CWH43: variants seen among roughly 807,000 people sequenced by gnomAD.
The protein encoded by CWH43 is PGAP2-interacting protein.
A neutral mutation model predicts 85.7 loss-of-function variants in CWH43; 91 were observed. That is an observed-to-expected ratio of 1.06 (90% CI 0.90 to 1.26). The LOEUF (loss-of-function observed/expected upper bound fraction) is 1.26. CWH43 is among the 50% of genes most tolerant of loss of function. The pLI, the probability that CWH43 is intolerant of heterozygous loss-of-function variation, is 0.00. For missense variants in CWH43, 869 were observed against 839.2 expected (o/e 1.04, Z -0.44); for synonymous variants, 323 against 293.6 (o/e 1.10, Z -1.02).
rs1783784536 is a variant in CWH43, at chr4:49,022,554, T to A, written c.1266+5226T>A. Among the ~76,000 whole-genome samples the A allele has an allele frequency of 4.6e-5, 7 of 152,230 alleles. No individual in the cohort carries two copies. In the South Asian group the frequency reaches 1.4e-3, roughly 32 times the overall value. Reference sequence around the variant, plus strand: ...GCTAGTTTTGGTATTAGGGTGATACTGGCTTCATAGAATGATTTAGAAAGG... The same window carrying A: ...GCTAGTTTTGGTATTAGGGTGATACAGGCTTCATAGAATGATTTAGAAAGG... On this transcript the variant is annotated intron_variant, in intron 9 of 15. Coordinates refer to ENST00000226432, the MANE Select transcript of CWH43 (RefSeq NM_025087.3).
Position 49,007,326 on chromosome 4 carries a change from T to A in CWH43, c.1186T>A (p.Phe396Ile), listed in dbSNP as rs1783192447. ...FRKSEKYMKL[F>I]LWLLVGVGLL... ...AAAGAGTGAAAAATACATGAAACTT[T>A]GTAAGTATAGTTTTACATTCTTAAA... is the stretch of plus-strand genomic sequence containing the variant. Residue 396 changes from phenylalanine (F) to isoleucine (I), a missense_variant and splice_region_variant, in exon 8 of 16, where the codon TTT becomes ATT. Transcript: ENST00000226432. The A allele has an allele frequency of 5.7e-6, 9 of 1,588,732 alleles. No individual in the cohort carries two copies. The highest frequency in any genetic ancestry group is 7.7e-6 in the Non-Finnish European group (9 of 1,170,858).
At position 49,002,892 on chromosome 4, in the gene CWH43, C is replaced by T. The variant is rs77664190; in HGVS notation, c.803-843C>T. Among the ~76,000 whole-genome samples the T allele has an allele frequency of 2.6e-3, 393 of 152,122 alleles. 2 individuals are homozygous for T. Among genetic ancestry groups the T allele is most frequent in the African/African-American group, 8.7e-3 (363 of 41,490 alleles). ...CCCACTCCTTTCTGGAGTTCTTGGC[C>T]GAAGTAGTGAAGAGCCTGCTCTAGC... On this transcript the variant is annotated intron_variant, in intron 6 of 15. Coordinates refer to ENST00000226432, the MANE Select transcript of CWH43 (RefSeq NM_025087.3).
At chr4:49,059,105 A>G (rs983186958) in intron 15 of CWH43, among the ~76,000 whole-genome samples, 3 of 152,142 alleles carry the variant, frequency 2.0e-5, no homozygotes, top group Non-Finnish European at 4.4e-5. Flanking sequence ...AATAAGGTTT[A>G]CTTAATGATG....
rs147544718 is a variant in CWH43 at position 49,006,013 on chromosome 4, C to G, written c.1061-1188C>G. Among the ~76,000 whole-genome samples, 545 of 152,254 alleles carry G rather than the reference C, an allele frequency of 3.6e-3. 6 individuals are homozygous for G. Among genetic ancestry groups the G allele is most frequent in the African/African-American group, 0.013 (531 of 41,568 alleles). ...TTGGTATTTCTGGTAAATACTCAAG[C>G]TTTCATCTAATGAGAGAAACACATT... On this transcript the variant is annotated intron_variant, in intron 7 of 15. Transcript: ENST00000226432.
intron 8 of CWH43, among the ~76,000 whole-genome samples, chr4:49,012,349 G>T (rs535027171): frequency 6.6e-6 from 1 of 152,128 alleles, no homozygotes; most frequent in Non-Finnish European, 1.5e-5. Context: ...TTCTCTACAC[G>T]TTTATTCTAG....
At chr4:49,027,213 A>G (rs1365886556) in intron 9 of CWH43, among the ~76,000 whole-genome samples, 5 of 152,188 alleles carry the variant, frequency 3.3e-5, no homozygotes, top group Admixed American at 6.5e-5. Context: ...AGAGTTGGAG[A>G]TAAATGGATA....
chr4:49,062,026 G>T lies in CWH43; in HGVS notation c.*136G>T, dbSNP rs1376343043. 9.3e-6 allele frequency: 5 copies of T among 539,242 alleles called. No homozygotes were observed. Among genetic ancestry groups the T allele is most frequent in the Non-Finnish European group, 1.4e-5 (5 of 369,576 alleles). The allele number at this position is 539,242 out of a possible 1,614,324, so 33.4% of individuals were successfully genotyped here. On this transcript the variant is annotated 3_prime_UTR_variant, in exon 16 of 16. Coordinates refer to ENST00000226432, the MANE Select transcript of CWH43 (RefSeq NM_025087.3). ...AAAAAACACATGGTATCTATGCAGT[G>T]GGAAATTACCTCCATTTGTAAACTA...
intron 9 of CWH43, among the ~76,000 whole-genome samples, chr4:49,022,093 T>C (rs1783766727): frequency 6.6e-6 from 1 of 152,176 alleles, no homozygotes; most frequent in Non-Finnish European, 1.5e-5. Context: ...CTATGTTGAA[T>C]ATAATGGTGA....
At chr4:49,011,816 C>CT (rs1480691532) in intron 8 of CWH43, among the ~76,000 whole-genome samples, 1 of 152,220 alleles carries the variant, frequency 6.6e-6, no homozygotes, top group African/African-American at 2.4e-5. Context: ...TCTCTTCTGG[C>CT]TTGTAGGGTT....
chr4:49,045,957 C>T (rs1424552426), intron 14 of CWH43, among the ~76,000 whole-genome samples: 1 of 151,974 alleles, frequency 6.6e-6, no homozygotes, highest in Admixed American at 6.6e-5. Flanking sequence ...AGAACTTATT[C>T]CTCCTAACTG....
In CWH43 at chr4:49,032,612, C is replaced by T. The variant is rs574344101; in HGVS notation, c.1555C>T (p.Leu519Phe). Residue 519 changes from leucine (L) to phenylalanine (F), a missense_variant, in exon 12 of 16, where the codon CTT becomes TTT. Around this residue, in one of 3 missense-constraint regions of CWH43, gnomAD observed 577 missense variants for 513.1 expected, o/e 1.12. Transcript: ENST00000226432. The stretch of plus-strand genomic sequence containing the variant: ...CCCAATTGTGAAATCTGAGCATCAC[C>T]TTCTTCCGTCACCAGAGGGCGAGAT... ...RYPIVKSEHH[L>F]LPSPEGEIAP... The T allele has an allele frequency of 6.2e-7, 1 of 1,614,030 alleles. No individual in the cohort carries two copies. Among genetic ancestry groups the T allele is most frequent in the East Asian group, 2.2e-5 (1 of 44,886 alleles).
intron 15 of CWH43, 125 bp from the exon 16 acceptor site, chr4:49,061,687 T>A (rs570651124): frequency 1.2e-6 from 1 of 848,618 alleles, no homozygotes; most frequent in Non-Finnish European, 1.6e-6. Context: ...CTTTCCTATA[T>A]GCATGAATCT....
At chr4:49,028,566 G>T in intron 9 of CWH43, 63 bp from the exon 10 acceptor site, 2 of 1,099,704 alleles carry the variant, frequency 1.8e-6, no homozygotes, top group Non-Finnish European at 2.7e-6. Flanking sequence ...GTGGAGAAAA[G>T]TGGGTCACTG....
chr4:49,030,449 A>C (rs966302816), intron 10 of CWH43, among the ~76,000 whole-genome samples: 3 of 152,226 alleles, frequency 2.0e-5, no homozygotes, highest in African/African-American at 7.2e-5. Flanking sequence ...GTTCTGGGTC[A>C]GTACTATGGA....
chr4:49,004,427 A>C (rs1311567310), intron 7 of CWH43, among the ~76,000 whole-genome samples: 1 of 152,100 alleles, frequency 6.6e-6, no homozygotes, highest in Non-Finnish European at 1.5e-5. Context: ...TTTTGAGATG[A>C]GGTCTTACTC....
intron 8 of CWH43, among the ~76,000 whole-genome samples, chr4:49,014,987 T>C (rs189736807): frequency 1.2e-4 from 19 of 152,298 alleles, no homozygotes; most frequent in Admixed American, 6.5e-4. Context: ...TGCGGTATCA[T>C]ACAGAATACT....
At chr4:48,987,419 C>T (rs142852533) in intron 1 of CWH43, among the ~76,000 whole-genome samples, 1 of 152,220 alleles carries the variant, frequency 6.6e-6, no homozygotes, top group African/African-American at 2.4e-5. Context: ...TAGAAAGTTC[C>T]CACGCCCAGT....
intron 9 of CWH43, among the ~76,000 whole-genome samples, chr4:49,022,227 A>C (rs1783772294): frequency 6.6e-6 from 1 of 152,110 alleles, no homozygotes; most frequent in Admixed American, 6.5e-5. Flanking sequence ...TGACCTTTCT[A>C]TGCCGATTTT....
At chr4:49,031,671 A>G (rs1307574218) in intron 11 of CWH43, among the ~76,000 whole-genome samples, 1 of 152,208 alleles carries the variant, frequency 6.6e-6, no homozygotes, top group African/African-American at 2.4e-5. Context: ...GGGAGCCAGG[A>G]GGCAGAGATG....
Sources: gnomAD v4.1 joint callset for allele counts (sites outside exome capture counted in the v4.1 genomes callset) on GRCh38, gnomAD v4.1.1 for gene constraint, gnomAD v4.1.1 regional missense constraint, MANE v1.5 for transcripts, NCBI Gene and HGNC (gene_info 2026-07-23, HGNC 2026-07-21) for gene names.